FHAD1: variants seen among roughly 807,000 people sequenced by gnomAD.
FHAD1 encodes forkhead-associated domain-containing protein 1.
In FHAD1, 146 loss-of-function variants were observed where a neutral mutation model predicts 191.3. The observed-to-expected ratio is 0.76, with a 90% CI of 0.67 to 0.88. The LOEUF is 0.88. Among genes scored for constraint, FHAD1 ranks in the 40% least tolerant of loss-of-function variants. FHAD1 has a pLI of 0.00. For synonymous variants in FHAD1, 616 were observed against 672.3 expected (o/e 0.92, Z 1.29); for missense variants, 1,635 against 1,785.8 (o/e 0.92, Z 1.52).
At position 15,398,137 on chromosome 1, in the gene FHAD1, A is replaced by T. The variant is rs1706557907; in HGVS notation, c.*724A>T. 6.6e-6 allele frequency: 1 copy of T among 151,486 alleles called. No homozygotes were observed. The highest frequency in any genetic ancestry group is 6.6e-5 in the Admixed American group (1 of 15,196). The allele number at this position is 151,486 out of a possible 1,614,324, so 9.4% of individuals were successfully genotyped here. A position where few individuals can be genotyped will look rare whatever the true frequency, so the allele number is the denominator to read the frequency against. On this transcript the variant is annotated 3_prime_UTR_variant, in exon 34 of 34. Transcript: ENST00000688493. ...GTGAGACTCTGTCTTTAAAAAAAAA[A>T]AAAAATGGCTGGGCCTGTAATCCCA...
intron 33 of FHAD1, among the ~76,000 whole-genome samples, chr1:15,393,894 A>G (rs924216871): frequency 2.6e-5 from 4 of 152,092 alleles, no homozygotes; most frequent in Non-Finnish European, 5.9e-5. Context: ...TCCCAGTCCA[A>G]GCTCCAGGAG....
chr1:15,363,594 C>T, intron 23 of FHAD1: 1 of 345,348 alleles, frequency 2.9e-6, no homozygotes. Context: ...TAGAGGCAAG[C>T]CCACTCACAG....
chr1:15,251,886 T>C lies in FHAD1; in HGVS notation c.93+9T>C. On this transcript the variant is annotated intron_variant, in intron 2 of 33. Transcript: ENST00000688493. ...CAGACCTTGTTTTACAGGTAAGAAGTCTTCCCACCTGTTCCCGTCCCCTCC... is the reference window on the plus strand; with the variant it reads ...CAGACCTTGTTTTACAGGTAAGAAGCCTTCCCACCTGTTCCCGTCCCCTCC... 1 of 1,550,036 alleles carries C rather than the reference T, an allele frequency of 6.5e-7. No homozygotes were observed.
In FHAD1 at chr1:15,301,228, A is replaced by G. The variant is rs1308681806; in HGVS notation, c.702A>G (p.Gly234=). 5 of 1,551,504 alleles carry G rather than the reference A, an allele frequency of 3.2e-6. No individual in the cohort carries two copies. The highest frequency in any genetic ancestry group is 4.4e-6 in the Non-Finnish European group (5 of 1,146,956). The change falls in exon 6 of 34, where the codon GGA becomes GGG. Residue 234 remains glycine, a synonymous_variant. Coordinates refer to ENST00000688493, the MANE Select transcript of FHAD1 (RefSeq NM_001391957.1). ...QDKDEIILLL[G]KEVSRLSDYE... is the part of the protein sequence containing the mutation. ...AGGATGAAATAATTCTGCTGCTGGGAAAAGAGGTCAGCCGTCTCTCAGATT... is the reference window on the plus strand; with the variant it reads ...AGGATGAAATAATTCTGCTGCTGGGGAAAGAGGTCAGCCGTCTCTCAGATT...
In FHAD1 at chr1:15,345,201, CAGG is replaced by C. The variant is rs1356796006; in HGVS notation, c.2238+12_2238+14del. 6 of 1,546,954 alleles carry C rather than the reference CAGG, an allele frequency of 3.9e-6. No homozygotes were observed. The highest frequency in any genetic ancestry group is 5.3e-6 in the Non-Finnish European group (6 of 1,142,840). On this transcript the variant is annotated intron_variant, in intron 17 of 33. Coordinates refer to ENST00000688493, the MANE Select transcript of FHAD1 (RefSeq NM_001391957.1). ...GCCCAGCAGAAGAAGGTATGTGGCT[CAGG>C]GAGACAGAGTCAGCTCGAGCCCCAC... is the stretch of plus-strand genomic sequence containing the variant.
At chr1:15,363,775 A>G (rs1695552947) in intron 23 of FHAD1, 2 of 456,380 alleles carry the variant, frequency 4.4e-6, no homozygotes, top group African/African-American at 4.0e-5. Flanking sequence ...CAAAGAACTG[A>G]CAGTTTTCAG....
chr1:15,374,174 G>A (rs190375189), intron 26 of FHAD1, among the ~76,000 whole-genome samples: 383 of 152,320 alleles, frequency 2.5e-3, no homozygotes, highest in African/African-American at 8.7e-3. Flanking sequence ...AGAATTGGCT[G>A]TGATTGTTCA....
At chr1:15,393,553 A>G (rs1254183581) in intron 33 of FHAD1, among the ~76,000 whole-genome samples, 1 of 151,904 alleles carries the variant, frequency 6.6e-6, no homozygotes, top group Admixed American at 6.6e-5. Flanking sequence ...ACACAGAGTT[A>G]GACTAATGAA....
intron 6 of FHAD1, among the ~76,000 whole-genome samples, chr1:15,306,611 A>G (rs1249165700): frequency 1.3e-5 from 2 of 152,190 alleles, no homozygotes; most frequent in Non-Finnish European, 2.9e-5. Context: ...TTGGTGCCCT[A>G]TATCCCACCC....
At chr1:15,261,883 AG>A (rs1651233063) in intron 2 of FHAD1, among the ~76,000 whole-genome samples, 2 of 152,178 alleles carry the variant, frequency 1.3e-5, no homozygotes, top group Admixed American at 1.3e-4. Flanking sequence ...CTGTCGTCCC[AG>A]GCACTTGGGT....
At chr1:15,333,403 C>T (rs543298480) in intron 14 of FHAD1, among the ~76,000 whole-genome samples, 3 of 152,142 alleles carry the variant, frequency 2.0e-5, no homozygotes, top group East Asian at 3.9e-4. Flanking sequence ...ATTATGGTGA[C>T]GATGATAGTC....
intron 17 of FHAD1, 35 bp downstream of exon 17, chr1:15,345,225 C>G: frequency 6.6e-7 from 1 of 1,515,988 alleles, no homozygotes; most frequent in Non-Finnish European, 9.0e-7. Context: ...CAGCTCGAGC[C>G]CCACTGCAGC....
rs1042615254 is a variant in FHAD1, at chr1:15,312,513, T to G, written c.1040-544T>G. On this transcript the variant is annotated intron_variant, in intron 7 of 33. Coordinates refer to ENST00000688493, the MANE Select transcript of FHAD1 (RefSeq NM_001391957.1). This position sits in a 1 kb window ranked among gnomAD's most constrained non-coding sequence, Gnocchi z 4.7. ...TCCATGTCTACAAAAAATACAAAAA[T>G]TAGCCAGGCATAGTGGCACGTACCT... 2.6e-5 allele frequency among the ~76,000 whole-genome samples: 4 copies of G among 152,012 alleles called. No individual in the cohort carries two copies. Among genetic ancestry groups the G allele is most frequent in the African/African-American group, 9.7e-5 (4 of 41,398 alleles).
At chr1:15,387,491 G>A (rs560637025) in intron 31 of FHAD1, among the ~76,000 whole-genome samples, 32 of 152,180 alleles carry the variant, frequency 2.1e-4, no homozygotes, top group African/African-American at 7.7e-4. Flanking sequence ...GCTCACGCCT[G>A]TAATCCTAAC....
At chr1:15,330,483 A>G (rs1680776132) in intron 14 of FHAD1, among the ~76,000 whole-genome samples, 2 of 152,326 alleles carry the variant, frequency 1.3e-5, no homozygotes, top group Non-Finnish European at 2.9e-5. Context: ...ATAATAAAAT[A>G]CTGGGGAAAA....
At chr1:15,337,393 C>T (rs917304635) in intron 14 of FHAD1, among the ~76,000 whole-genome samples, 1 of 152,208 alleles carries the variant, frequency 6.6e-6, no homozygotes, top group Non-Finnish European at 1.5e-5. Flanking sequence ...CCTTTCTTCC[C>T]TCTCATCCTC....
At chr1:15,396,913 G>C in intron 33 of FHAD1, among the ~76,000 whole-genome samples, 1 of 151,828 alleles carries the variant, frequency 6.6e-6, no homozygotes, top group Non-Finnish European at 1.5e-5. Context: ...GGCTGGGTGC[G>C]GTGGCTCAAG....
chr1:15,238,288 G>C (rs1006449889), intron 1 of FHAD1, among the ~76,000 whole-genome samples: 4 of 146,416 alleles, frequency 2.7e-5, no homozygotes, highest in Non-Finnish European at 6.0e-5. Flanking sequence ...GTTGAAATGA[G>C]AAGAGAATGC....
At chr1:15,238,196 G>A (rs1011072839) in intron 1 of FHAD1, among the ~76,000 whole-genome samples, 3 of 136,688 alleles carry the variant, frequency 2.2e-5, no homozygotes, top group South Asian at 2.4e-4. Context: ...ATAGTGAGCC[G>A]AGACTGCACC....
Sources: gnomAD v4.1 joint callset for allele counts (sites outside exome capture counted in the v4.1 genomes callset) on GRCh38, gnomAD v4.1.1 for gene constraint, Gnocchi (gnomAD v3.1) non-coding constraint, MANE v1.5 for transcripts, NCBI Gene and HGNC (gene_info 2026-07-23, HGNC 2026-07-21) for gene names.